NOTCH3: variants seen among roughly 807,000 people sequenced by gnomAD.
NOTCH3 encodes neurogenic locus notch homolog protein 3.
A neutral mutation model predicts 213.3 loss-of-function variants in NOTCH3; 86 were observed. The ratio of observed to expected loss-of-function variants is 0.40; its 90% CI spans 0.34 to 0.48. NOTCH3 has a LOEUF of 0.48. NOTCH3 is among the 20% of genes least tolerant of loss of function. The pLI is 0.57. For synonymous variants in NOTCH3, 1,354 were observed against 1,355.9 expected (o/e 1.00, Z 0.03); for missense variants, 2,783 against 3,272.6 (o/e 0.85, Z 3.65).
intron 2 of NOTCH3, among the ~76,000 whole-genome samples, chr19:15,195,282 G>A (rs530740856): frequency 6.6e-6 from 1 of 152,076 alleles, no homozygotes; most frequent in Non-Finnish European, 1.5e-5. Context: ...ATCTTGGGGG[G>A]GTGGTCCTTC....
Position 15,160,556 on chromosome 19 carries a change from AAG to A in NOTCH3, c.*104_*105del. ...GCAAGGATGCAGGAGGGTTGGTGGA[AAG>A]AGAAGAGGATGAAAAAGACTAAAAG... On this transcript the variant is annotated 3_prime_UTR_variant, in exon 33 of 33. Transcript: ENST00000263388. 3.1e-6 allele frequency: 3 copies of A among 959,070 alleles called. 1 individual carries two copies. In the South Asian group the frequency reaches 3.9e-5, roughly 12 times the overall value. 59.4% of individuals were successfully genotyped at this position (959,070 alleles called of 1,614,324 possible). A position where few individuals can be genotyped will look rare whatever the true frequency, so the allele number is the denominator to read the frequency against.
intron 24 of NOTCH3, among the ~76,000 whole-genome samples, chr19:15,175,457 C>A (rs1238307699): frequency 6.8e-6 from 1 of 147,330 alleles, no homozygotes; most frequent in Non-Finnish European, 1.5e-5. Flanking sequence ...TAGCTTGAAC[C>A]CAGGAGGTGG....
At position 15,188,113 on chromosome 19, in the gene NOTCH3, G is replaced by A. The variant is rs1199028650; in HGVS notation, c.1493-119C>T. The A allele has an allele frequency of 1.0e-5, 11 of 1,064,432 alleles. No homozygotes were observed. The Admixed American group carries it at 1.2e-4, about 12-fold the overall frequency. 65.9% of individuals were successfully genotyped at this position (1,064,432 alleles called of 1,614,324 possible). ...TACTTGGATTTAAATTAACTTCAAT[G>A]TTTCATAACATATGGTTTCTATTGT... On this transcript the variant is annotated intron_variant, in intron 9 of 32. Coordinates refer to ENST00000263388, the MANE Select transcript of NOTCH3 (RefSeq NM_000435.3).
At chr19:15,178,732 TA>T in intron 23 of NOTCH3, 90 bp downstream of exon 23, 1 of 943,458 alleles carries the variant, frequency 1.1e-6, no homozygotes, top group South Asian at 1.4e-5. Context: ...ATGTCTCCCC[TA>T]AAGCCACATC....
rs535803085 is a variant in NOTCH3, at chr19:15,179,887, A to C, written c.3327+185T>G. On this transcript the variant is annotated intron_variant, in intron 20 of 32. Transcript: ENST00000263388. ...CAGAGTGAGAACCTGTCTCAAAAAAACAAACAAATAAAAAAACACCCCAGA... is the reference window on the plus strand; with the variant it reads ...CAGAGTGAGAACCTGTCTCAAAAAACCAAACAAATAAAAAAACACCCCAGA... 5.4e-4 allele frequency among the ~76,000 whole-genome samples: 81 copies of C among 151,340 alleles called. 2 individuals are homozygous for C. The highest frequency in any genetic ancestry group is 3.0e-3 in the Admixed American group (45 of 15,216).
intron 19 of NOTCH3, 27 bp downstream of exon 19, chr19:15,180,654 C>G (rs368598377): frequency 8.7e-5 from 134 of 1,544,036 alleles, no homozygotes; most frequent in Non-Finnish European, 1.1e-4. Context: ...CAAGGCCCCA[C>G]ACGCCCGCCC....
chr19:15,179,156 C>A lies in NOTCH3; in HGVS notation c.3587G>T (p.Gly1196Val), dbSNP rs1230215767. The A allele has an allele frequency of 6.2e-7, 1 of 1,614,160 alleles. No homozygotes were observed. The highest frequency in any genetic ancestry group is 1.7e-5 in the Admixed American group (1 of 60,028). ...VGGFRCTCPP[G>V]YTGLRCEADI... ...TGCCTCGCAGCGCAAACCAGTGTATCCTGGGGGACAGGTGCAGCGGAAACC... is the reference window on the plus strand; with the variant it reads ...TGCCTCGCAGCGCAAACCAGTGTATACTGGGGGACAGGTGCAGCGGAAACC... The change falls in exon 22 of 33, where the codon GGA (glycine) becomes GTA (valine). Residue 1196 changes from glycine to valine, a missense_variant. By Grantham distance (109) the Gly-to-Val change is moderately radical. This residue lies in a region of NOTCH3 where 861 missense variants were observed against 909.1 expected (regional missense o/e 0.95). Transcript: ENST00000263388.
intron 16 of NOTCH3, among the ~76,000 whole-genome samples, chr19:15,182,468 C>T (rs2046848732): frequency 6.7e-6 from 1 of 150,330 alleles, no homozygotes; most frequent in African/African-American, 2.5e-5. Context: ...GATCGCACCA[C>T]TGCACTCCAG....
Position 15,178,013 on chromosome 19 carries a change from C to T in NOTCH3, c.3915G>A (p.Gln1305=), listed in dbSNP as rs1425347403. The T allele has an allele frequency of 3.4e-6, 5 of 1,480,756 alleles. No individual in the cohort carries two copies. The highest frequency in any genetic ancestry group is 4.5e-6 in the Non-Finnish European group (5 of 1,119,664). 91.7% of individuals were successfully genotyped at this position (1,480,756 alleles called of 1,614,324 possible). Residue 1305 remains glutamine (Q), a synonymous_variant, in exon 24 of 33, where the codon CAG becomes CAA. Transcript: ENST00000263388. ...ELQCPVGVPC[Q]QTPRGPRCAC... ...CGCAGCGCGGCCCGCGGGGCGTCTG[C>T]TGGCATGGGACGCCCACCGGGCACT...
chr19:15,170,089 T>C lies in NOTCH3; in HGVS notation c.5196A>G (p.Leu1732=). The change falls in exon 28 of 33, where the codon CTA becomes CTG. Residue 1732 remains leucine, a synonymous_variant. Transcript: ENST00000263388. ...AAGGTCAGAGGGGGGGCAGTACCTTTAGCCGCTTGGCCTCTGGGCACTCTG... is the reference window on the plus strand; with the variant it reads ...AAGGTCAGAGGGGGGGCAGTACCTTCAGCCGCTTGGCCTCTGGGCACTCTG... The part of the protein sequence containing the change: ...MDTECPEAKR[L]KVEEPGMGAE... The C allele has an allele frequency of 1.3e-6, 2 of 1,580,264 alleles. No individual in the cohort carries two copies. The highest frequency in any genetic ancestry group is 2.3e-5 in the South Asian group (2 of 87,156).
At position 15,185,928 on chromosome 19, in the gene NOTCH3, A is replaced by G. The variant is rs2046878158; in HGVS notation, c.1952-249T>C. Among the ~76,000 whole-genome samples the G allele has an allele frequency of 6.6e-6, 1 of 151,888 alleles. No individual in the cohort carries two copies. Among genetic ancestry groups the G allele is most frequent in the South Asian group, 2.1e-4 (1 of 4,828 alleles). Reference sequence around the variant, plus strand: ...TTTCTTCTTCTTCTTATTTTTTGAGATGGGGTCTCACTCTGTCGCCCGGGC... The same window carrying G: ...TTTCTTCTTCTTCTTATTTTTTGAGGTGGGGTCTCACTCTGTCGCCCGGGC... On this transcript the variant is annotated intron_variant, in intron 12 of 32. Transcript: ENST00000263388. This position sits in a 1 kb window ranked among gnomAD's most constrained non-coding sequence, Gnocchi z 4.2.
At chr19:15,199,139 C>A (rs1187127692) in intron 1 of NOTCH3, among the ~76,000 whole-genome samples, 2 of 152,330 alleles carry the variant, frequency 1.3e-5, no homozygotes, top group African/African-American at 4.8e-5. Context: ...GCAATGTGAG[C>A]CACATGTGTG....
intron 19 of NOTCH3, 44 bp from the exon 20 acceptor site, chr19:15,180,300 A>C: frequency 6.3e-7 from 1 of 1,597,764 alleles, no homozygotes; most frequent in East Asian, 2.2e-5. Flanking sequence ...AACCCCATAC[A>C]TCCCCCTTCT....
intron 2 of NOTCH3, among the ~76,000 whole-genome samples, chr19:15,195,788 G>C (rs911238887): frequency 6.6e-6 from 1 of 151,552 alleles, no homozygotes; most frequent in Admixed American, 6.6e-5. Context: ...CGCGACCCGC[G>C]CGGGCCCCCT....
At chr19:15,162,073 C>T (rs868203253) in intron 32 of NOTCH3, among the ~76,000 whole-genome samples, 1 of 145,052 alleles carries the variant, frequency 6.9e-6, no homozygotes, top group Non-Finnish European at 1.5e-5. Context: ...CCTCAGCCTT[C>T]CGGGTTCAAG....
chr19:15,181,416 CGCCCT>C (rs2046840480), intron 17 of NOTCH3, among the ~76,000 whole-genome samples, 155 bp downstream of exon 17: 1 of 152,154 alleles, frequency 6.6e-6, no homozygotes, highest in Non-Finnish European at 1.5e-5. Flanking sequence ...TCCAAACAGA[CGCCCT>C]GCTCCTTCCC....
At chr19:15,190,598 T>C (rs1423802857) in intron 6 of NOTCH3, among the ~76,000 whole-genome samples, 1 of 152,196 alleles carries the variant, frequency 6.6e-6, no homozygotes, top group Non-Finnish European at 1.5e-5. Flanking sequence ...TCTCTCTCTT[T>C]TTTGTTATAC....
rs1568351341 is a variant in NOTCH3, at chr19:15,173,101, CTTCTTTTTT to C, written c.4736+958_4736+966del. On this transcript the variant is annotated intron_variant, in intron 25 of 32. Transcript: ENST00000263388. The stretch of plus-strand genomic sequence containing the variant: ...TCTTCTTCTTCTTCTTCTTCTTCTT[CTTCTTTTTT>C]TTTTTTTTTTTTTTTTTTAAGAGAT... 8.2e-5 allele frequency among the ~76,000 whole-genome samples: 4 copies of C among 49,032 alleles called. 2 individuals carry two copies. Among genetic ancestry groups the C allele is most frequent in the Non-Finnish European group, 1.2e-4 (4 of 33,342 alleles). The allele number at this position is 49,032 out of a possible 152,430, so 32.2% of individuals were successfully genotyped here. A position where few individuals can be genotyped will look rare whatever the true frequency, so the allele number is the denominator to read the frequency against.
rs1378258197 is a variant in NOTCH3 at position 15,187,006 on chromosome 19, G to A, written c.1841-18C>T. 1 of 1,611,620 alleles carries A rather than the reference G, an allele frequency of 6.2e-7. No homozygotes were observed. The highest frequency in any genetic ancestry group is 8.5e-7 in the Non-Finnish European group (1 of 1,178,278). The stretch of plus-strand genomic sequence containing the variant: ...GTTCACACCTAGGGGCCAGGAACAT[G>A]GCATGGAGTGGCCACCACTGTGCCC... On this transcript the variant is annotated intron_variant, in intron 11 of 32. Coordinates refer to ENST00000263388, the MANE Select transcript of NOTCH3 (RefSeq NM_000435.3).
Sources: gnomAD v4.1 joint callset for allele counts (sites outside exome capture counted in the v4.1 genomes callset) on GRCh38, gnomAD v4.1.1 for gene constraint, gnomAD v4.1.1 regional missense constraint, Gnocchi (gnomAD v3.1) non-coding constraint, MANE v1.5 for transcripts, NCBI Gene and HGNC (gene_info 2026-07-23, HGNC 2026-07-21) for gene names.